Variants in COP1 observed in about 807,000 individuals in gnomAD.
COP1 encodes E3 ubiquitin-protein ligase COP1.
A neutral mutation model predicts 101.3 loss-of-function variants in COP1; 24 were observed. The observed-to-expected ratio is 0.24, with a 90% CI of 0.17 to 0.33. The LOEUF is 0.33. Among genes scored for constraint, COP1 ranks in the 10% least tolerant of loss-of-function variants. The pLI is 1.00. For synonymous variants in COP1, 347 were observed against 341.9 expected, an observed-to-expected ratio of 1.01 and a Z score of -0.17; for missense variants, 663 against 906.2, an observed-to-expected ratio of 0.73 and a Z score of 3.45.
At chr1:175,987,679 T>C (rs938503575) in intron 17 of COP1, among the ~76,000 whole-genome samples, 1 of 152,210 alleles carries the variant, frequency 6.6e-6, no homozygotes, top group African/African-American at 2.4e-5. Flanking sequence ...GCTTTGGCAG[T>C]CTCATACATA....
intron 1 of COP1, among the ~76,000 whole-genome samples, chr1:176,200,812 G>A (rs1330840683): frequency 6.6e-6 from 1 of 152,096 alleles, no homozygotes; most frequent in Non-Finnish European, 1.5e-5. Context: ...AAGGTGGAGG[G>A]CAAAGACAAG....
intron 1 of COP1, among the ~76,000 whole-genome samples, chr1:176,204,059 T>G (rs1396708909): frequency 6.6e-6 from 1 of 152,182 alleles, no homozygotes; most frequent in Non-Finnish European, 1.5e-5. Context: ...TCTGTGCCGT[T>G]TAAGAACCAC....
At chr1:176,033,908 A>G (rs1274676811) in intron 14 of COP1, among the ~76,000 whole-genome samples, 2 of 152,246 alleles carry the variant, frequency 1.3e-5, no homozygotes, top group African/African-American at 2.4e-5. Context: ...CTCTAACTAT[A>G]AAGTTATCAC....
At chr1:176,141,603 C>T (rs1314099074) in intron 6 of COP1, among the ~76,000 whole-genome samples, 1 of 152,280 alleles carries the variant, frequency 6.6e-6, no homozygotes, top group East Asian at 1.9e-4. Context: ...GAAGTGCACA[C>T]TACAGCAAGC....
chr1:176,001,060 T>C (rs1270697819), intron 15 of COP1, among the ~76,000 whole-genome samples: 1 of 152,122 alleles, frequency 6.6e-6, no homozygotes, highest in Non-Finnish European at 1.5e-5. Flanking sequence ...TTTTAGTCAA[T>C]TGTCTTTCAA....
intron 6 of COP1, among the ~76,000 whole-genome samples, chr1:176,143,123 CGAGA>C (rs71129558): frequency 1.4e-5 from 2 of 146,828 alleles, no homozygotes; most frequent in East Asian, 2.0e-4. Flanking sequence ...ACAGAACAAG[CGAGA>C]GAGAGAGAGA....
chr1:175,968,769 A>C (rs1054174613), intron 18 of COP1, among the ~76,000 whole-genome samples: 1 of 152,212 alleles, frequency 6.6e-6, no homozygotes, highest in Non-Finnish European at 1.5e-5. Flanking sequence ...AACAACACAT[A>C]CATTCATCAT....
At chr1:176,093,430 TG>T (rs1484245847) in intron 9 of COP1, among the ~76,000 whole-genome samples, 1 of 152,164 alleles carries the variant, frequency 6.6e-6, no homozygotes, top group African/African-American at 2.4e-5. Flanking sequence ...GTGATCTGGC[TG>T]GGCATGGTGG....
At chr1:175,961,278 T>C (rs1651308225) in intron 18 of COP1, among the ~76,000 whole-genome samples, 1 of 152,082 alleles carries the variant, frequency 6.6e-6, no homozygotes, top group Non-Finnish European at 1.5e-5. Flanking sequence ...TGGAGAACCC[T>C]GACTAAGACA....
intron 8 of COP1, among the ~76,000 whole-genome samples, chr1:176,126,955 A>C (rs191039471): frequency 1.4e-4 from 22 of 152,326 alleles, no homozygotes; most frequent in African/African-American, 5.1e-4. Flanking sequence ...TTACACCAAA[A>C]TTTAAAGAGA....
chr1:176,185,270 A>T (rs1424865018), intron 1 of COP1, among the ~76,000 whole-genome samples: 1 of 152,200 alleles, frequency 6.6e-6, no homozygotes, highest in East Asian at 1.9e-4. Flanking sequence ...AATAGGTACC[A>T]ACTACTAGGC....
chr1:176,154,394 C>T (rs1463321446), intron 5 of COP1, among the ~76,000 whole-genome samples: 4 of 152,064 alleles, frequency 2.6e-5, no homozygotes, highest in Non-Finnish European at 5.9e-5. Flanking sequence ...AACCTAAATG[C>T]CCATTAATGG....
chr1:176,087,632 C>T (rs897561638), intron 9 of COP1, among the ~76,000 whole-genome samples: 2 of 152,150 alleles, frequency 1.3e-5, no homozygotes, highest in African/African-American at 4.8e-5. Flanking sequence ...TGTGAAGAAA[C>T]AGGAACGCTT....
chr1:176,038,474 T>C (rs1159772071), intron 14 of COP1, among the ~76,000 whole-genome samples: 1 of 152,210 alleles, frequency 6.6e-6, no homozygotes, highest in Non-Finnish European at 1.5e-5. Flanking sequence ...GACTTACTAC[T>C]TGATTTCAGA....
At chr1:176,191,644 G>A (rs1470628087) in intron 1 of COP1, among the ~76,000 whole-genome samples, 1 of 151,882 alleles carries the variant, frequency 6.6e-6, no homozygotes, top group Non-Finnish European at 1.5e-5. Context: ...GATAACACTA[G>A]ATCCTCTGAA....
intron 18 of COP1, among the ~76,000 whole-genome samples, chr1:175,980,959 T>C (rs1426352710): frequency 2.6e-5 from 4 of 152,134 alleles, no homozygotes; most frequent in Admixed American, 6.6e-5. Flanking sequence ...AATATATTCA[T>C]TTGTATACTT....
At chr1:176,031,304 T>C (rs1479226355) in intron 14 of COP1, among the ~76,000 whole-genome samples, 2 of 152,158 alleles carry the variant, frequency 1.3e-5, no homozygotes, top group African/African-American at 2.4e-5. Context: ...TAAAATAGTA[T>C]AATCTTTTGG....
intron 9 of COP1, among the ~76,000 whole-genome samples, chr1:176,088,654 A>G (rs1680673085): frequency 6.6e-6 from 1 of 152,124 alleles, no homozygotes; most frequent in Non-Finnish European, 1.5e-5. Context: ...TTATCCCTAC[A>G]CTGTAGCCTT....
chr1:176,027,393 C>T (rs190545914), intron 15 of COP1, among the ~76,000 whole-genome samples, 179 bp downstream of exon 15: 1 of 152,130 alleles, frequency 6.6e-6, no homozygotes, highest in East Asian at 1.9e-4. Context: ...CAGAATAGTG[C>T]AATTAAGGTA....
Sources: gnomAD v4.1 joint callset for allele counts (sites outside exome capture counted in the v4.1 genomes callset) on GRCh38, gnomAD v4.1.1 for gene constraint, MANE v1.5 for transcripts, NCBI Gene and HGNC (gene_info 2026-07-23, HGNC 2026-07-21) for gene names.